Variants in PREX1 observed in about 807,000 individuals in gnomAD.
PREX1 encodes the protein phosphatidylinositol 3,4,5-trisphosphate-dependent Rac exchanger 1 protein.
PREX1 carries 41 observed loss-of-function variants against 198.3 expected under a neutral mutation model. That is an observed-to-expected ratio of 0.21 (90% CI 0.16 to 0.27). The LOEUF (loss-of-function observed/expected upper bound fraction) is 0.27, where lower values mean the gene tolerates loss of function less well. Among genes scored for constraint, PREX1 ranks in the 10% least tolerant of loss-of-function variants. PREX1 has a pLI of 1.00. For synonymous variants in PREX1, 843 were observed against 887.2 expected (o/e 0.95, Z 0.89); for missense variants, 1,620 against 2,200.7 (o/e 0.74, Z 5.28).
Position 48,688,785 on chromosome 20 carries a change from C to T in PREX1, c.1206G>A (p.Glu402=), listed in dbSNP as rs773821891. 6.2e-7 allele frequency: 1 copy of T among 1,614,178 alleles called. No homozygotes were observed. Among genetic ancestry groups the T allele is most frequent in the Non-Finnish European group, 8.5e-7 (1 of 1,180,026 alleles). ...EQRESLKLGM[E]RDAYVMIAEK... ...CCGCAATCATGACGTAGGCATCACG[C>T]TCCATGCCCAGCTTCAGGCCTACAC... is the stretch of plus-strand genomic sequence containing the variant. The change falls in exon 10 of 40, where the codon GAG becomes GAA. Residue 402 remains glutamate, a synonymous_variant. Transcript: ENST00000371941.
intron 13 of PREX1, 60 bp from the exon 14 acceptor site, chr20:48,676,328 G>C: frequency 6.7e-7 from 1 of 1,501,582 alleles, no homozygotes; most frequent in Non-Finnish European, 9.3e-7. Flanking sequence ...AGGTGGGGGT[G>C]GTCCTGACTT....
the PREX1 span, among the ~76,000 whole-genome samples, chr20:48,857,580 C>T: frequency 6.6e-6 from 1 of 152,046 alleles, no homozygotes; most frequent in Admixed American, 6.6e-5. Context: ...CCAGCCTGGG[C>T]AAATAGCGAA....
chr20:48,738,086 T>C (rs1057415045), intron 3 of PREX1, among the ~76,000 whole-genome samples: 2 of 152,182 alleles, frequency 1.3e-5, no homozygotes, highest in African/African-American at 4.8e-5. Flanking sequence ...ACAGGGTCTC[T>C]CTGTCCATCT....
Position 48,636,703 on chromosome 20 carries a change from G to T in PREX1, c.3947-20C>A. ...CCGTGTCTGGGGGCAGAGGGCAGGA[G>T]GCCTTGCTGGAGGGGCGCTCCCGTG... On this transcript the variant is annotated intron_variant, in intron 31 of 39. Transcript: ENST00000371941. The T allele has an allele frequency of 1.3e-6, 2 of 1,575,634 alleles. No homozygotes were observed. Among genetic ancestry groups the T allele is most frequent in the Non-Finnish European group, 8.6e-7 (1 of 1,160,114 alleles).
At chr20:48,831,477 T>C (rs1395729484), upstream of PREX1, among the ~76,000 whole-genome samples, 2 of 152,236 alleles carry the variant, frequency 1.3e-5, no homozygotes, top group East Asian at 3.8e-4. Context: ...GCTGCAGCAC[T>C]GAGCACCCCA....
chr20:48,709,376 C>T (rs1953561179), intron 5 of PREX1, among the ~76,000 whole-genome samples: 1 of 152,312 alleles, frequency 6.6e-6, no homozygotes, highest in Admixed American at 6.5e-5. Flanking sequence ...ACTCTTGCAT[C>T]GTAGTTACGA....
At chr20:48,807,014 T>C (rs2090414757) in intron 1 of PREX1, among the ~76,000 whole-genome samples, 1 of 152,144 alleles carries the variant, frequency 6.6e-6, no homozygotes, top group African/African-American at 2.4e-5. Context: ...CAAGGTGACA[T>C]CTCAACAGAA....
the PREX1 span, among the ~76,000 whole-genome samples, chr20:48,860,790 G>C: frequency 4.0e-3 from 592 of 149,508 alleles, 3 homozygotes; most frequent in African/African-American, 0.012. Context: ...AGCCGAGATC[G>C]CACCACTGCA....
intron 1 of PREX1, among the ~76,000 whole-genome samples, chr20:48,790,369 G>A (rs1403185282): frequency 2.0e-5 from 3 of 151,992 alleles, no homozygotes; most frequent in Non-Finnish European, 4.4e-5. Context: ...AGCCTCCCCC[G>A]AAAGTAGGAA....
chr20:48,850,625 A>G, the PREX1 span, among the ~76,000 whole-genome samples: 1 of 152,014 alleles, frequency 6.6e-6, no homozygotes, highest in Non-Finnish European at 1.5e-5. Flanking sequence ...TTTTTTTTTA[A>G]GGATAAGAAG....
At position 48,667,679 on chromosome 20, in the gene PREX1, G is replaced by A. The variant is rs6095231; in HGVS notation, c.1666-1324C>T. On this transcript the variant is annotated intron_variant, in intron 14 of 39. Coordinates refer to ENST00000371941, the MANE Select transcript of PREX1 (RefSeq NM_020820.4). ...AACCAAGGCAATCTGACTCATCTCA[G>A]GACTTCCCGAAGGAAGTGACATCCA... is the stretch of plus-strand genomic sequence containing the variant. 2.0e-5 allele frequency among the ~76,000 whole-genome samples: 3 copies of A among 152,346 alleles called. No homozygotes were observed. In the East Asian group the frequency reaches 5.8e-4, roughly 29 times the overall value.
chr20:48,632,820 T>C (rs1037232835), intron 33 of PREX1, among the ~76,000 whole-genome samples, 181 bp from the exon 34 acceptor site: 5 of 152,264 alleles, frequency 3.3e-5, no homozygotes, highest in South Asian at 4.1e-4. Context: ...TCCTGCCCTC[T>C]AGGGACAGCC....
chr20:48,840,893 G>A, the PREX1 span, among the ~76,000 whole-genome samples: 2 of 152,002 alleles, frequency 1.3e-5, no homozygotes, highest in African/African-American at 4.8e-5. Flanking sequence ...CATGATCATG[G>A]CTCACTGAGA....
rs183924247 is a variant in PREX1, at chr20:48,698,030, C to T, written c.917+2723G>A. 7.5e-4 allele frequency among the ~76,000 whole-genome samples: 114 copies of T among 152,310 alleles called. 1 individual carries two copies. Among genetic ancestry groups the T allele is most frequent in the Admixed American group, 5.1e-3 (78 of 15,308 alleles). Reference sequence around the variant, plus strand: ...AGGTGGGGAGATCCACCCACCATTGCCCAATCTCCTGGGCCTCTCAGAGCT... The same window carrying T: ...AGGTGGGGAGATCCACCCACCATTGTCCAATCTCCTGGGCCTCTCAGAGCT... On this transcript the variant is annotated intron_variant, in intron 7 of 39. Transcript: ENST00000371941.
At chr20:48,659,825 C>A (rs2089576604) in intron 16 of PREX1, 94 bp downstream of exon 16, 7 of 1,549,948 alleles carry the variant, frequency 4.5e-6, no homozygotes, top group African/African-American at 1.4e-5. Flanking sequence ...CCAAGCTGAG[C>A]CCCCTTCCCT....
At chr20:48,742,776 CAGAA>C (rs907957220) in intron 3 of PREX1, among the ~76,000 whole-genome samples, 1 of 152,160 alleles carries the variant, frequency 6.6e-6, no homozygotes, top group African/African-American at 2.4e-5. Flanking sequence ...AGGAATCCTG[CAGAA>C]AGAGAGAGGT....
chr20:48,817,976 A>C (rs952775384), intron 1 of PREX1, among the ~76,000 whole-genome samples: 3 of 152,104 alleles, frequency 2.0e-5, no homozygotes, highest in African/African-American at 7.2e-5. Flanking sequence ...GTGGGAAAAA[A>C]ACAACGCAAG....
chr20:48,747,717 C>G, intron 2 of PREX1, 92 bp downstream of exon 2: 6 of 1,380,994 alleles, frequency 4.3e-6, no homozygotes, highest in Non-Finnish European at 5.0e-6. Flanking sequence ...GCGCCTCCCC[C>G]TGCATGCACA....
chr20:48,642,578 C>T lies in PREX1; in HGVS notation c.3602-89G>A, dbSNP rs913074448. Reference sequence around the variant, plus strand: ...CTTTCCTAAGAGGGGGATACAGCTACAGAACTCCAAACCCACAAGGGATGT... The same window carrying T: ...CTTTCCTAAGAGGGGGATACAGCTATAGAACTCCAAACCCACAAGGGATGT... On this transcript the variant is annotated intron_variant, in intron 27 of 39. Transcript: ENST00000371941. 2.8e-5 allele frequency: 34 copies of T among 1,195,650 alleles called. No individual in the cohort carries two copies. In the African/African-American group the frequency reaches 4.4e-4, roughly 15 times the overall value. The allele number at this position is 1,195,650 out of a possible 1,614,324, so 74.1% of individuals were successfully genotyped here. A position where few individuals can be genotyped will look rare whatever the true frequency, so the allele number is the denominator to read the frequency against.
Sources: gnomAD v4.1 joint callset for allele counts (sites outside exome capture counted in the v4.1 genomes callset) on GRCh38, gnomAD v4.1.1 for gene constraint, MANE v1.5 for transcripts, NCBI Gene and HGNC (gene_info 2026-07-23, HGNC 2026-07-21) for gene names.